MAL2: variants seen among roughly 807,000 people sequenced by gnomAD.
MAL2 encodes the protein mal, T cell differentiation protein 2, also known as protein MAL2.
In MAL2, 17 loss-of-function variants were observed where a neutral mutation model predicts 18.1. That is an observed-to-expected ratio of 0.94 (90% CI 0.64 to 1.41). MAL2 has a LOEUF of 1.41. MAL2 is among the 40% of genes most tolerant of loss of function. The pLI, the probability that MAL2 is intolerant of heterozygous loss-of-function variation, is 0.00. For synonymous variants in MAL2, 102 were observed against 102.3 expected (o/e 1.00, Z 0.02); for missense variants, 222 against 231.9 (o/e 0.96, Z 0.28).
At chr8:119,225,790 T>A (rs1226179659) in intron 2 of MAL2, among the ~76,000 whole-genome samples, 2 of 152,220 alleles carry the variant, frequency 1.3e-5, no homozygotes, top group Non-Finnish European at 1.5e-5. Context: ...TGTTGTTTCC[T>A]GACTTTTTAA....
At chr8:119,243,266 C>G in intron 3 of MAL2, 151 bp from the exon 4 acceptor site, 1 of 446,318 alleles carries the variant, frequency 2.2e-6, no homozygotes, top group Non-Finnish European at 3.8e-6. Context: ...TACAAATCAT[C>G]AAAAAAAAAA....
intron 3 of MAL2, among the ~76,000 whole-genome samples, chr8:119,240,583 A>G (rs1367293766): frequency 6.6e-6 from 1 of 152,234 alleles, no homozygotes; most frequent in African/African-American, 2.4e-5. Context: ...GGCTTTGCAC[A>G]GCAGTGTCTA....
At chr8:119,231,011 A>G (rs542371469) in intron 2 of MAL2, among the ~76,000 whole-genome samples, 151 of 152,024 alleles carry the variant, frequency 9.9e-4, no homozygotes, top group African/African-American at 3.5e-3. Context: ...AGTATTTTAG[A>G]TGTGAGAACA....
At chr8:119,224,672 G>GT (rs1312481800) in intron 2 of MAL2, among the ~76,000 whole-genome samples, 5 of 151,994 alleles carry the variant, frequency 3.3e-5, no homozygotes, top group East Asian at 1.9e-4. Context: ...CCAACATGTA[G>GT]TTTTTTTATC....
rs755877380 is a variant in MAL2, at chr8:119,240,146, C to T, written c.304-19C>T. The T allele has an allele frequency of 1.1e-5, 17 of 1,607,698 alleles. No homozygotes were observed. The South Asian group carries it at 1.6e-4, about 15-fold the overall frequency. ...AATATTTTTTTTTAATTGCAGATGT[C>T]TTTTCTCTCCTCTTTTAGGATTTTG... On this transcript the variant is annotated intron_variant, in intron 2 of 3. Transcript: ENST00000614891.
intron 2 of MAL2, among the ~76,000 whole-genome samples, chr8:119,236,970 CA>C (rs943216170): frequency 1.3e-5 from 2 of 150,902 alleles, no homozygotes; most frequent in African/African-American, 4.9e-5. Flanking sequence ...AATAGAGACA[CA>C]AAAAACCCTT....
chr8:119,221,641 C>T lies in MAL2; in HGVS notation c.187C>T (p.Leu63=). 6.2e-7 allele frequency: 1 copy of T among 1,613,940 alleles called. No individual in the cohort carries two copies. Among genetic ancestry groups the T allele is most frequent in the Non-Finnish European group, 8.5e-7 (1 of 1,179,844 alleles). Residue 63 remains leucine, a synonymous_variant, in exon 2 of 4, where the codon CTA becomes TTA. Coordinates refer to ENST00000614891, the MANE Select transcript of MAL2 (RefSeq NM_052886.3). The part of the protein sequence containing the change: ...LVASSNVPLP[L]LQGWVMFVSV... ...TGCCTCCTCCAATGTTCCTCTACCT[C>T]TACTACAAGGATGGGTCATGTTTGT... is the stretch of plus-strand genomic sequence containing the variant.
chr8:119,210,660 A>G (rs962660863), intron 1 of MAL2, among the ~76,000 whole-genome samples: 1 of 151,996 alleles, frequency 6.6e-6, no homozygotes, highest in African/African-American at 2.4e-5. Context: ...AACTGCCACC[A>G]CTCCCCAACC....
At chr8:119,213,895 A>T (rs1384940437) in intron 1 of MAL2, among the ~76,000 whole-genome samples, 3 of 152,218 alleles carry the variant, frequency 2.0e-5, no homozygotes, top group Non-Finnish European at 2.9e-5. Context: ...GCCAGAGATT[A>T]TTATCAACAA....
chr8:119,226,281 T>A (rs1317358310), intron 2 of MAL2, among the ~76,000 whole-genome samples: 1 of 152,106 alleles, frequency 6.6e-6, no homozygotes, highest in Non-Finnish European at 1.5e-5. Context: ...GGTCTAACAT[T>A]TAAGTCTTCA....
intron 2 of MAL2, among the ~76,000 whole-genome samples, chr8:119,237,065 A>G (rs1408399637): frequency 1.3e-5 from 2 of 151,456 alleles, no homozygotes; most frequent in African/African-American, 4.8e-5. Flanking sequence ...TAAAGAAAAA[A>G]AGAAGAATCA....
At chr8:119,239,655 T>G (rs549675635) in intron 2 of MAL2, among the ~76,000 whole-genome samples, 1 of 151,724 alleles carries the variant, frequency 6.6e-6, no homozygotes, top group Non-Finnish European at 1.5e-5. Context: ...TCATTCTCAG[T>G]AAACTATCGC....
At position 119,225,727 on chromosome 8, in the gene MAL2, T is replaced by G. The variant is rs867423475; in HGVS notation, c.303+3970T>G. Among the ~76,000 whole-genome samples the G allele has an allele frequency of 5.2e-3, 789 of 152,138 alleles. 5 individuals are homozygous for G. The highest frequency in any genetic ancestry group is 9.7e-3 in the African/African-American group (404 of 41,530). On this transcript the variant is annotated intron_variant, in intron 2 of 3. Transcript: ENST00000614891. ...TCCACAATGGTTGAACTAGTTTACA[T>G]TCCCACCAACAGTGTAAAAGTGTTC...
chr8:119,240,325 G>C lies in MAL2; in HGVS notation c.459+5G>C. ...AACATAAACGTAGCAGCCTCAGTAA[G>C]TATTCATATTCAATGAGTACCATTC... is the stretch of plus-strand genomic sequence containing the variant. On this transcript the variant is annotated splice_donor_5th_base_variant and intron_variant, in intron 3 of 3. Coordinates refer to ENST00000614891, the MANE Select transcript of MAL2 (RefSeq NM_052886.3). 1.2e-6 allele frequency: 2 copies of C among 1,612,826 alleles called. No individual in the cohort carries two copies. The highest frequency in any genetic ancestry group is 1.7e-6 in the Non-Finnish European group (2 of 1,179,240).
intron 1 of MAL2, among the ~76,000 whole-genome samples, chr8:119,210,397 A>G (rs143018440): frequency 1.3e-5 from 2 of 152,190 alleles, no homozygotes; most frequent in Non-Finnish European, 2.9e-5. Context: ...GACTTAGTCA[A>G]TTTCCCCCTC....
At chr8:119,210,728 C>G (rs917704006) in intron 1 of MAL2, among the ~76,000 whole-genome samples, 2 of 152,226 alleles carry the variant, frequency 1.3e-5, no homozygotes, top group Non-Finnish European at 2.9e-5. Flanking sequence ...CTCATTTCCT[C>G]TGGCTTCTTA....
rs1444803886 is a variant in MAL2, at chr8:119,244,225, A to G, written c.*737A>G. 1 of 152,220 alleles carries G rather than the reference A, an allele frequency of 6.6e-6. No individual in the cohort carries two copies. Among genetic ancestry groups the G allele is most frequent in the African/African-American group, 2.4e-5 (1 of 41,466 alleles). The allele number at this position is 152,220 out of a possible 1,614,324, so 9.4% of individuals were successfully genotyped here. ...CTAACAGAAAAGCCACATAATATTT[A>G]GTGTCATTATGCAATAATCACATTG... is the stretch of plus-strand genomic sequence containing the variant. On this transcript the variant is annotated 3_prime_UTR_variant, in exon 4 of 4. Transcript: ENST00000614891.
intron 2 of MAL2, among the ~76,000 whole-genome samples, chr8:119,231,320 CTGTG>C (rs1817723017): frequency 6.6e-6 from 1 of 152,252 alleles, no homozygotes; most frequent in Admixed American, 6.5e-5. Context: ...GCGTGAGCCA[CTGTG>C]CCCAGCCAGA....
At chr8:119,239,519 C>T (rs1414618942) in intron 2 of MAL2, among the ~76,000 whole-genome samples, 1 of 151,934 alleles carries the variant, frequency 6.6e-6, no homozygotes, top group Admixed American at 6.5e-5. Context: ...TGGAACCAAC[C>T]CAAATGTCCA....
Sources: gnomAD v4.1 joint callset for allele counts (sites outside exome capture counted in the v4.1 genomes callset) on GRCh38, gnomAD v4.1.1 for gene constraint, MANE v1.5 for transcripts, NCBI Gene and HGNC (gene_info 2026-07-23, HGNC 2026-07-21) for gene names.